GRID2: variants seen among roughly 807,000 people sequenced by gnomAD.
The protein encoded by GRID2 is glutamate receptor ionotropic, delta-2.
Under a neutral mutation model 114.8 loss-of-function variants are expected in GRID2, and 33 were observed. That is an observed-to-expected ratio of 0.29 (90% confidence interval 0.22 to 0.38). The LOEUF (loss-of-function observed/expected upper bound fraction) is 0.38, where lower values mean the gene tolerates loss of function less well. Among genes scored for constraint, GRID2 ranks in the 10% least tolerant of loss-of-function variants. GRID2 has a pLI of 1.00. For missense variants in GRID2, 1,184 were observed against 1,257.7 expected (o/e 0.94, Z 0.89); for synonymous variants, 505 against 449.9 (o/e 1.12, Z -1.55).
chr4:92,935,648 A>C lies in GRID2; in HGVS notation c.245-149347A>C, dbSNP rs188295196. Among the ~76,000 whole-genome samples, 2 of 147,258 alleles carry C rather than the reference A, an allele frequency of 1.4e-5. 1 individual carries two copies. Among genetic ancestry groups the C allele is most frequent in the East Asian group, 4.3e-4 (2 of 4,692 alleles). ...TTGGAACCCACCCAAATGTCCAACAATGATAGACTGGATTAAGAAAATGTG... is the reference window on the plus strand; with the variant it reads ...TTGGAACCCACCCAAATGTCCAACACTGATAGACTGGATTAAGAAAATGTG... On this transcript the variant is annotated intron_variant, in intron 2 of 15. Transcript: ENST00000282020.
At chr4:92,448,473 G>T (rs140548951) in intron 1 of GRID2, among the ~76,000 whole-genome samples, 85 of 152,054 alleles carry the variant, frequency 5.6e-4, no homozygotes, top group African/African-American at 1.8e-3. Flanking sequence ...AGCCCGAGTA[G>T]TATTGATTTT....
At chr4:93,403,147 A>C (rs1230106725) in intron 9 of GRID2, among the ~76,000 whole-genome samples, 1 of 152,150 alleles carries the variant, frequency 6.6e-6, no homozygotes, top group African/African-American at 2.4e-5. Context: ...CGGAGGAGTT[A>C]ATAAATAATA....
Position 93,517,722 on chromosome 4 carries a change from T to C in GRID2, c.2193+2311T>C, listed in dbSNP as rs141803384. On this transcript the variant is annotated intron_variant, in intron 13 of 15. Transcript: ENST00000282020. ...GAGAACTATGACACATGGAATGTGGTTGTGGATTCTTATTCAAGAAACTAG... is the reference window on the plus strand; with the variant it reads ...GAGAACTATGACACATGGAATGTGGCTGTGGATTCTTATTCAAGAAACTAG... Among the ~76,000 whole-genome samples, 886 of 151,960 alleles carry C rather than the reference T, an allele frequency of 5.8e-3. 5 individuals are homozygous for C. Among genetic ancestry groups the C allele is most frequent in the Non-Finnish European group, 1.0e-2 (679 of 67,904 alleles).
intron 2 of GRID2, among the ~76,000 whole-genome samples, chr4:93,019,321 A>C (rs897669054): frequency 2.0e-5 from 3 of 152,188 alleles, no homozygotes; most frequent in Non-Finnish European, 4.4e-5. Context: ...TTGGAGCCAA[A>C]TGAAGAATAA....
chr4:92,629,324 A>T (rs555468992), intron 2 of GRID2, among the ~76,000 whole-genome samples: 1 of 152,268 alleles, frequency 6.6e-6, no homozygotes, highest in South Asian at 2.1e-4. Flanking sequence ...GTTAATAAAT[A>T]GTACCATGGT....
intron 14 of GRID2, among the ~76,000 whole-genome samples, chr4:93,729,895 A>G (rs1376589644): frequency 3.9e-5 from 6 of 152,168 alleles, no homozygotes; most frequent in Non-Finnish European, 8.8e-5. Flanking sequence ...TTCAGCATCT[A>G]TCTCTGAAAT....
intron 2 of GRID2, among the ~76,000 whole-genome samples, chr4:92,653,564 A>G (rs1164260405): frequency 6.6e-6 from 1 of 151,914 alleles, no homozygotes; most frequent in Non-Finnish European, 1.5e-5. Context: ...ATCTGTTATT[A>G]TTGTGTTAAA....
chr4:92,757,520 G>C (rs915391014), intron 2 of GRID2, among the ~76,000 whole-genome samples: 1 of 152,022 alleles, frequency 6.6e-6, no homozygotes, highest in Non-Finnish European at 1.5e-5. Flanking sequence ...TCATATGTAT[G>C]TACAAATTTG....
intron 13 of GRID2, among the ~76,000 whole-genome samples, chr4:93,527,914 C>T (rs374050672): frequency 6.6e-5 from 10 of 152,132 alleles, no homozygotes; most frequent in South Asian, 6.2e-4. Flanking sequence ...TATGTCTCTA[C>T]GAATTTGAAC....
intron 14 of GRID2, among the ~76,000 whole-genome samples, chr4:93,741,543 T>G (rs1172528430): frequency 6.6e-6 from 1 of 152,118 alleles, no homozygotes; most frequent in Non-Finnish European, 1.5e-5. Flanking sequence ...AATAATGAAA[T>G]GCTGGCATTA....
chr4:93,000,615 C>A (rs1720860676), intron 2 of GRID2, among the ~76,000 whole-genome samples: 1 of 151,560 alleles, frequency 6.6e-6, no homozygotes, highest in African/African-American at 2.4e-5. Context: ...AACCTTGTAA[C>A]TATTTTATAT....
rs1734287592 is a variant in GRID2 at position 93,774,162 on chromosome 4, T to C, written c.*1664T>C. The C allele has an allele frequency of 6.6e-6, 1 of 152,148 alleles. No individual in the cohort carries two copies. The highest frequency in any genetic ancestry group is 2.1e-4 in the South Asian group (1 of 4,830). 9.4% of individuals were successfully genotyped at this position (152,148 alleles called of 1,614,324 possible). On this transcript the variant is annotated 3_prime_UTR_variant, in exon 16 of 16. Coordinates refer to ENST00000282020, the MANE Select transcript of GRID2 (RefSeq NM_001510.4). ...TAATTCTGTTCTGGGGAGCATCTTG[T>C]ATTGTCACTGTTTTGTACTAAATCT...
intron 1 of GRID2, among the ~76,000 whole-genome samples, chr4:92,381,466 G>A (rs1228889113): frequency 2.0e-5 from 3 of 151,688 alleles, no homozygotes; most frequent in Non-Finnish European, 4.4e-5. Context: ...GCAACTGAGT[G>A]ATTATTTGTA....
intron 2 of GRID2, among the ~76,000 whole-genome samples, chr4:92,665,416 A>G (rs572139586): frequency 3.6e-4 from 54 of 151,416 alleles, no homozygotes; most frequent in Admixed American, 9.2e-4. Flanking sequence ...AATTTTTCCT[A>G]AAGCATTAGT....
chr4:93,634,991 C>G (rs538979284), intron 14 of GRID2, among the ~76,000 whole-genome samples: 1 of 152,096 alleles, frequency 6.6e-6, no homozygotes, highest in East Asian at 1.9e-4. Flanking sequence ...TGTATTTCAT[C>G]ATTTTTAGAA....
chr4:92,633,725 T>C (rs368055422), intron 2 of GRID2, among the ~76,000 whole-genome samples: 19 of 152,240 alleles, frequency 1.2e-4, no homozygotes, highest in African/African-American at 4.3e-4. Context: ...AGAATATCCA[T>C]AGATTAAACT....
At chr4:93,300,328 T>C (rs950989107) in intron 8 of GRID2, among the ~76,000 whole-genome samples, 1 of 152,172 alleles carries the variant, frequency 6.6e-6, no homozygotes, top group Non-Finnish European at 1.5e-5. Flanking sequence ...CCTGTGAATA[T>C]ATTAGGGCTG....
intron 1 of GRID2, among the ~76,000 whole-genome samples, chr4:93,794,822 A>G (rs1734765224): frequency 6.6e-6 from 1 of 152,098 alleles, no homozygotes; most frequent in Non-Finnish European, 1.5e-5. Flanking sequence ...CTGTTGTTCT[A>G]CTAGGATATT....
Position 93,644,298 on chromosome 4 carries a change from G to T in GRID2, c.2360+17863G>T, listed in dbSNP as rs1427675474. Among the ~76,000 whole-genome samples, 3 of 48,064 alleles carry T rather than the reference G, an allele frequency of 6.2e-5. 1 individual carries two copies. The highest frequency in any genetic ancestry group is 1.2e-4 in the Non-Finnish European group (3 of 24,226). The allele number at this position is 48,064 out of a possible 152,430, so 31.5% of individuals were successfully genotyped here. ...TGCGTCGCTCACGCTGGGAGCTGTA[G>T]ACCGGAGCTGTTCCTATTCGGCCAT... On this transcript the variant is annotated intron_variant, in intron 14 of 15. Transcript: ENST00000282020.
Sources: gnomAD v4.1 joint callset for allele counts (sites outside exome capture counted in the v4.1 genomes callset) on GRCh38, gnomAD v4.1.1 for gene constraint, MANE v1.5 for transcripts, NCBI Gene and HGNC (gene_info 2026-07-23, HGNC 2026-07-21) for gene names.